The following OLA1 variants were observed in gnomAD, a reference collection of about 807,000 sequenced individuals.
OLA1 encodes Obg like ATPase 1.
A neutral mutation model predicts 48.4 loss-of-function variants in OLA1; 14 were observed. The observed-to-expected ratio is 0.29, with a 90% CI of 0.19 to 0.45. The LOEUF (loss-of-function observed/expected upper bound fraction) is 0.45, where lower values mean the gene tolerates loss of function less well. Among genes scored for constraint, OLA1 ranks in the 20% least tolerant of loss-of-function variants. The probability of loss-of-function intolerance (pLI) is 1.00; values close to 1 mark genes in which losing one functional copy is unlikely to be tolerated. For missense variants in OLA1, 325 were observed against 467.1 expected, an observed-to-expected ratio of 0.70 and a Z score of 2.80; for synonymous variants, 127 against 150.4, an observed-to-expected ratio of 0.84 and a Z score of 1.14.
At chr2:174,159,582 G>C (rs1049630968) in intron 4 of OLA1, among the ~76,000 whole-genome samples, 1 of 152,024 alleles carries the variant, frequency 6.6e-6, no homozygotes, top group African/African-American at 2.4e-5. Context: ...ACTAAGGACA[G>C]AATTATTATT....
At chr2:174,079,902 T>G (rs2105338479) in intron 9 of OLA1, among the ~76,000 whole-genome samples, 1 of 152,122 alleles carries the variant, frequency 6.6e-6, no homozygotes, top group South Asian at 2.1e-4. Context: ...TCTTAGCACA[T>G]TAAATCATGG....
At chr2:174,093,478 A>C (rs892006615) in intron 7 of OLA1, among the ~76,000 whole-genome samples, 1 of 151,182 alleles carries the variant, frequency 6.6e-6, no homozygotes, top group African/African-American at 2.4e-5. Context: ...CAAAAAAAAA[A>C]CCAAACAAAC....
At chr2:174,192,637 T>A (rs774343208) in intron 4 of OLA1, among the ~76,000 whole-genome samples, 1 of 152,228 alleles carries the variant, frequency 6.6e-6, no homozygotes, top group African/African-American at 2.4e-5. Flanking sequence ...ATTTATTCCA[T>A]CTGCCTGAAG....
chr2:174,181,362 G>A (rs1304020921), intron 4 of OLA1, among the ~76,000 whole-genome samples: 5 of 152,180 alleles, frequency 3.3e-5, no homozygotes, highest in African/African-American at 1.2e-4. Flanking sequence ...GCTGGGGAGA[G>A]GAGGGAATGA....
chr2:174,203,451 T>G (rs1688033837), intron 4 of OLA1, among the ~76,000 whole-genome samples: 1 of 149,920 alleles, frequency 6.7e-6, no homozygotes, highest in Non-Finnish European at 1.5e-5. Context: ...TCCTAACTAC[T>G]GTCTAGCTAA....
chr2:174,141,650 C>T (rs993183751), intron 5 of OLA1, among the ~76,000 whole-genome samples, 175 bp downstream of exon 5: 3 of 152,046 alleles, frequency 2.0e-5, no homozygotes, highest in Non-Finnish European at 4.4e-5. Flanking sequence ...TAGCCTATCA[C>T]CATGGCCCTT....
At position 174,085,563 on chromosome 2, in the gene OLA1, C is replaced by T. The variant is rs568199086; in HGVS notation, c.729-3499G>A. 1.6e-4 allele frequency among the ~76,000 whole-genome samples: 25 copies of T among 152,222 alleles called. No homozygotes were observed. The South Asian group carries it at 3.7e-3, about 23-fold the overall frequency. On this transcript the variant is annotated intron_variant, in intron 7 of 10. Transcript: ENST00000284719. The stretch of plus-strand genomic sequence containing the variant: ...CCCTGGTGCCAACAAGGTCGGGGAC[C>T]GCTTGTCTACAGATTCTTCGGCAGA...
intron 2 of OLA1, among the ~76,000 whole-genome samples, chr2:174,233,444 G>A (rs1286582917): frequency 3.3e-5 from 5 of 152,154 alleles, no homozygotes; most frequent in Non-Finnish European, 7.3e-5. Flanking sequence ...CACGATCTCG[G>A]CTTACTGCAA....
intron 4 of OLA1, among the ~76,000 whole-genome samples, chr2:174,188,160 T>C (rs1326639099): frequency 2.0e-5 from 3 of 152,252 alleles, no homozygotes; most frequent in Middle Eastern, 3.4e-3. Flanking sequence ...GATGGGCTTA[T>C]AGAAGGACTA....
rs183557078 is a variant in OLA1 at position 174,129,404 on chromosome 2, G to A, written c.550-5729C>T. Reference sequence around the variant, plus strand: ...ACCCGGGAGGCGGAGCTTGCAGTGAGCCAAGATGGTGCCACTGCACTCCAG... The same window carrying A: ...ACCCGGGAGGCGGAGCTTGCAGTGAACCAAGATGGTGCCACTGCACTCCAG... On this transcript the variant is annotated intron_variant, in intron 5 of 10. Transcript: ENST00000284719. 7.9e-3 allele frequency among the ~76,000 whole-genome samples: 1,202 copies of A among 151,836 alleles called. 18 individuals carry two copies. Among genetic ancestry groups the A allele is most frequent in the African/African-American group, 0.027 (1,131 of 41,384 alleles).
intron 7 of OLA1, among the ~76,000 whole-genome samples, chr2:174,100,097 C>T (rs1247477223): frequency 6.6e-6 from 1 of 151,918 alleles, no homozygotes; most frequent in East Asian, 1.9e-4. Context: ...AGTAAATAAC[C>T]AAAGCAAGAA....
intron 3 of OLA1, among the ~76,000 whole-genome samples, chr2:174,224,748 A>T (rs1387586180): frequency 6.6e-6 from 1 of 152,212 alleles, no homozygotes; most frequent in Non-Finnish European, 1.5e-5. Flanking sequence ...TGGATGAGAA[A>T]GTACACAGAT....
chr2:174,136,376 C>T (rs1490958093), intron 5 of OLA1, among the ~76,000 whole-genome samples: 5 of 152,200 alleles, frequency 3.3e-5, no homozygotes. Context: ...GTCATTTCAA[C>T]AATATTCACA....
intron 7 of OLA1, 139 bp from the exon 8 acceptor site, chr2:174,082,203 G>C: frequency 1.2e-6 from 1 of 868,176 alleles, no homozygotes; most frequent in Non-Finnish European, 1.8e-6. Flanking sequence ...AGCTTTCCAA[G>C]GTCAAGGCAT....
intron 4 of OLA1, among the ~76,000 whole-genome samples, chr2:174,179,427 G>A (rs1162333676): frequency 1.3e-5 from 2 of 151,752 alleles, no homozygotes; most frequent in African/African-American, 4.8e-5. Flanking sequence ...ATATATATTT[G>A]TTAGACTAAA....
intron 2 of OLA1, among the ~76,000 whole-genome samples, 158 bp downstream of exon 2, chr2:174,246,557 T>C (rs1689131507): frequency 6.6e-6 from 1 of 152,284 alleles, no homozygotes; most frequent in Non-Finnish European, 1.5e-5. Context: ...ATCAATAAAA[T>C]ACATCTAAAC....
intron 7 of OLA1, among the ~76,000 whole-genome samples, chr2:174,105,187 GA>G (rs1212136392): frequency 1.2e-4 from 18 of 148,758 alleles, no homozygotes; most frequent in Non-Finnish European, 2.1e-4. Context: ...TGTTGAAATA[GA>G]AAAAAAAAGG....
At chr2:174,134,543 A>G (rs530363910) in intron 5 of OLA1, among the ~76,000 whole-genome samples, 1 of 152,194 alleles carries the variant, frequency 6.6e-6, no homozygotes, top group Non-Finnish European at 1.5e-5. Context: ...TATTATTGTC[A>G]TGTATTTTAA....
In OLA1 at chr2:174,110,207, G is replaced by A. The variant is rs149097430; in HGVS notation, c.728+12973C>T. On this transcript the variant is annotated intron_variant, in intron 7 of 10. Transcript: ENST00000284719. ...TCTCTGCCTTTTGGGTTCGATCTCC[G>A]CTCACTGCAACCTCCACCTCCCGAG... Among the ~76,000 whole-genome samples, 796 of 147,082 alleles carry A rather than the reference G, an allele frequency of 5.4e-3. 16 individuals are homozygous for A. Among genetic ancestry groups the A allele is most frequent in the Admixed American group, 0.046 (664 of 14,438 alleles).
Sources: gnomAD v4.1 joint callset for allele counts (sites outside exome capture counted in the v4.1 genomes callset) on GRCh38, gnomAD v4.1.1 for gene constraint, MANE v1.5 for transcripts, NCBI Gene and HGNC (gene_info 2026-07-23, HGNC 2026-07-21) for gene names.